The following SPATA16 variants were observed in gnomAD, a reference collection of about 807,000 sequenced individuals.
SPATA16 encodes the protein spermatogenesis-associated protein 16.
Under a neutral mutation model 63.3 loss-of-function variants are expected in SPATA16, and 36 were observed. That is an observed-to-expected ratio of 0.57 (90% CI 0.44 to 0.75). SPATA16 has a LOEUF of 0.75. Among genes scored for constraint, SPATA16 ranks in the 30% least tolerant of loss-of-function variants. The pLI, the probability that SPATA16 is intolerant of heterozygous loss-of-function variation, is 0.00. For missense variants in SPATA16, 646 were observed against 679.3 expected (o/e 0.95, Z 0.54); for synonymous variants, 203 against 216.7 (o/e 0.94, Z 0.56).
intron 1 of SPATA16, among the ~76,000 whole-genome samples, chr3:173,130,517 G>A (rs967458352): frequency 6.6e-6 from 1 of 151,902 alleles, no homozygotes; most frequent in Non-Finnish European, 1.5e-5. Flanking sequence ...CAGAATAAAC[G>A]CTCATTTTTA....
At chr3:173,012,709 A>G (rs1735099085) in intron 4 of SPATA16, among the ~76,000 whole-genome samples, 1 of 152,256 alleles carries the variant, frequency 6.6e-6, no homozygotes. Flanking sequence ...TGATGCTAGG[A>G]CAGCTGGCTA....
At chr3:173,062,924 A>C (rs1736418735) in intron 2 of SPATA16, among the ~76,000 whole-genome samples, 2 of 152,206 alleles carry the variant, frequency 1.3e-5, no homozygotes. Flanking sequence ...ATGAGACTCT[A>C]ATGCCCCCGC....
chr3:172,976,253 T>A (rs1338450333), intron 5 of SPATA16, among the ~76,000 whole-genome samples: 4 of 151,998 alleles, frequency 2.6e-5, no homozygotes, highest in Non-Finnish European at 4.4e-5. Flanking sequence ...AGGAAAACAG[T>A]TTAATAGTTA....
At chr3:172,968,989 A>G (rs1300096864) in intron 5 of SPATA16, among the ~76,000 whole-genome samples, 1 of 152,222 alleles carries the variant, frequency 6.6e-6, no homozygotes, top group Non-Finnish European at 1.5e-5. Context: ...CAATTTGGAT[A>G]CTTCCTCTTT....
chr3:173,059,807 T>A (rs1333366557), intron 2 of SPATA16, among the ~76,000 whole-genome samples: 1 of 147,894 alleles, frequency 6.8e-6, no homozygotes, highest in East Asian at 2.0e-4. Context: ...CTCCTCTGGA[T>A]AAATGTCTCT....
chr3:172,923,745 A>G (rs1250300458), intron 8 of SPATA16, among the ~76,000 whole-genome samples: 1 of 152,218 alleles, frequency 6.6e-6, no homozygotes, highest in Non-Finnish European at 1.5e-5. Flanking sequence ...CTATATAAAG[A>G]TCAATTGCCA....
intron 10 of SPATA16, among the ~76,000 whole-genome samples, chr3:172,908,317 T>TA (rs1029031126): frequency 2.6e-4 from 40 of 152,144 alleles, no homozygotes; most frequent in Non-Finnish European, 4.9e-4. Flanking sequence ...TACCTTTTTT[T>TA]AAAAAAAAAT....
chr3:173,061,796 A>G (rs1266728254), intron 2 of SPATA16, among the ~76,000 whole-genome samples: 1 of 152,170 alleles, frequency 6.6e-6, no homozygotes, highest in Non-Finnish European at 1.5e-5. Context: ...TAGATCTACT[A>G]AAGTGTCTCC....
chr3:173,068,097 G>C (rs1736566629), intron 2 of SPATA16, among the ~76,000 whole-genome samples: 1 of 152,146 alleles, frequency 6.6e-6, no homozygotes, highest in Admixed American at 6.5e-5. Context: ...GCTAAAGAAA[G>C]TTCTTCAATT....
intron 8 of SPATA16, 84 bp downstream of exon 8, chr3:172,924,124 A>G (rs1448477501): frequency 8.9e-7 from 1 of 1,126,910 alleles, no homozygotes. Context: ...TAACACTTGC[A>G]CTATTTGCCA....
intron 2 of SPATA16, among the ~76,000 whole-genome samples, chr3:173,082,921 A>T (rs1736959312): frequency 6.6e-6 from 1 of 152,248 alleles, no homozygotes. Flanking sequence ...ATGGGCAAGG[A>T]TCTGCCTTGT....
At chr3:172,989,447 A>T (rs1483515821) in intron 4 of SPATA16, among the ~76,000 whole-genome samples, 1 of 152,188 alleles carries the variant, frequency 6.6e-6, no homozygotes, top group Non-Finnish European at 1.5e-5. Context: ...ATTATTTTTC[A>T]TCAGAGTAAC....
At chr3:173,132,925 C>T (rs1738424340) in intron 1 of SPATA16, among the ~76,000 whole-genome samples, 1 of 152,002 alleles carries the variant, frequency 6.6e-6, no homozygotes, top group Non-Finnish European at 1.5e-5. Flanking sequence ...ACTCAGAGAC[C>T]AAGATGGTCT....
At chr3:173,101,001 T>G (rs1277005730) in intron 2 of SPATA16, among the ~76,000 whole-genome samples, 2 of 152,182 alleles carry the variant, frequency 1.3e-5, no homozygotes, top group Non-Finnish European at 2.9e-5. Context: ...CCTCACAGGT[T>G]TTCTATTAGT....
chr3:172,930,751 G>T (rs969938842), intron 6 of SPATA16, among the ~76,000 whole-genome samples: 1 of 151,908 alleles, frequency 6.6e-6, no homozygotes, highest in Admixed American at 6.6e-5. Context: ...TAGAGATGGG[G>T]TTATGTTAGC....
At chr3:172,913,618 C>T (rs1290834618) in intron 10 of SPATA16, 43 bp downstream of exon 10, 2 of 1,584,276 alleles carry the variant, frequency 1.3e-6, no homozygotes, top group Non-Finnish European at 1.7e-6. Context: ...TGGACATTTT[C>T]TTTGAGAATA....
At chr3:172,903,246 A>G (rs1732161095) in intron 10 of SPATA16, among the ~76,000 whole-genome samples, 1 of 152,260 alleles carries the variant, frequency 6.6e-6, no homozygotes, top group Non-Finnish European at 1.5e-5. Flanking sequence ...CTTCAGTTCA[A>G]CATGCAATTG....
chr3:172,943,699 C>T (rs1733214054), intron 6 of SPATA16, among the ~76,000 whole-genome samples: 1 of 152,158 alleles, frequency 6.6e-6, no homozygotes, highest in South Asian at 2.1e-4. Flanking sequence ...AAGATTGCGC[C>T]ATTGCACTCC....
At chr3:172,915,338 T>G (rs992411838) in intron 9 of SPATA16, among the ~76,000 whole-genome samples, 1 of 152,164 alleles carries the variant, frequency 6.6e-6, no homozygotes, top group Non-Finnish European at 1.5e-5. Flanking sequence ...TTTAGCAGGT[T>G]TAGATGAACA....
Sources: allele counts gnomAD v4.1 joint callset (sites outside exome capture counted in the v4.1 genomes callset), GRCh38; gene constraint gnomAD v4.1.1; transcripts MANE v1.5; gene names NCBI Gene and HGNC (gene_info 2026-07-23, HGNC 2026-07-21).